MAGI1: variants seen among roughly 807,000 people sequenced by gnomAD.
MAGI1 encodes membrane associated guanylate kinase, WW and PDZ domain containing 1.
MAGI1 carries 58 observed loss-of-function variants against 139.9 expected under a neutral mutation model. That is an observed-to-expected ratio of 0.41 (90% CI 0.34 to 0.52). The LOEUF is 0.52. MAGI1 is among the 20% of genes least tolerant of loss of function. The pLI, the probability that MAGI1 is intolerant of heterozygous loss-of-function variation, is 0.12. For synonymous variants in MAGI1, 812 were observed against 737.9 expected, an observed-to-expected ratio of 1.10 and a Z score of -1.63; for missense variants, 1,874 against 1,901.6, an observed-to-expected ratio of 0.99 and a Z score of 0.27.
intron 2 of MAGI1, among the ~76,000 whole-genome samples, chr3:65,595,783 G>T (rs2082162133): frequency 9.3e-6 from 1 of 107,338 alleles, no homozygotes; most frequent in African/African-American, 3.6e-5. Flanking sequence ...GAAGCAAATG[G>T]GTAAGCTTCC....
chr3:65,364,736 G>A lies in MAGI1; in HGVS notation c.3291-11C>T. On this transcript the variant is annotated splice_polypyrimidine_tract_variant and intron_variant, in intron 19 of 22. Transcript: ENST00000402939. ...GGTTTGGTGGTATTCCTGCCAAAGT[G>A]AAAGAAATAAATATAAGAGCAACCC... The A allele has an allele frequency of 6.2e-7, 1 of 1,613,650 alleles. No individual in the cohort carries two copies. Among genetic ancestry groups the A allele is most frequent in the Non-Finnish European group, 8.5e-7 (1 of 1,179,588 alleles).
At chr3:65,519,930 A>G (rs559275194) in intron 2 of MAGI1, among the ~76,000 whole-genome samples, 24 of 152,308 alleles carry the variant, frequency 1.6e-4, no homozygotes, top group Admixed American at 1.2e-3. Flanking sequence ...TTCCATGGCT[A>G]GGTGAGAAGA....
intron 2 of MAGI1, among the ~76,000 whole-genome samples, chr3:65,568,897 A>G (rs1161034726): frequency 6.6e-6 from 1 of 152,246 alleles, no homozygotes; most frequent in Non-Finnish European, 1.5e-5. Flanking sequence ...TGAGTTCATA[A>G]TAATATCCAC....
intron 1 of MAGI1, among the ~76,000 whole-genome samples, chr3:66,016,883 A>C (rs943199507): frequency 2.6e-5 from 4 of 152,202 alleles, no homozygotes; most frequent in African/African-American, 7.2e-5. Context: ...AATTGAGATA[A>C]GCCAGTCGCA....
chr3:65,453,782 A>G (rs1949195960), intron 5 of MAGI1, among the ~76,000 whole-genome samples: 1 of 152,180 alleles, frequency 6.6e-6, no homozygotes, highest in African/African-American at 2.4e-5. Flanking sequence ...TTACATAAGA[A>G]TTCTCATGAC....
chr3:65,368,675 G>A (rs1286507146), intron 18 of MAGI1, among the ~76,000 whole-genome samples: 2 of 152,284 alleles, frequency 1.3e-5, no homozygotes, highest in South Asian at 2.1e-4. Context: ...TCTAAGGGCG[G>A]CATGGGGAAA....
chr3:65,951,449 T>G (rs55733848), intron 1 of MAGI1, among the ~76,000 whole-genome samples: 1 of 152,220 alleles, frequency 6.6e-6, no homozygotes, highest in African/African-American at 2.4e-5. Context: ...CCAATGAAAC[T>G]GTTGCATCGA....
intron 6 of MAGI1, among the ~76,000 whole-genome samples, chr3:65,448,695 C>T (rs1948825816): frequency 3.5e-5 from 1 of 28,406 alleles, no homozygotes; most frequent in African/African-American, 9.9e-5. Context: ...TGAGAAAACA[C>T]ATACACACAC....
chr3:65,899,850 A>G (rs1055569565), intron 1 of MAGI1, among the ~76,000 whole-genome samples: 8 of 152,236 alleles, frequency 5.3e-5, no homozygotes, highest in African/African-American at 1.9e-4. Context: ...ACCCTTCCTG[A>G]TGCACTAATT....
intron 1 of MAGI1, among the ~76,000 whole-genome samples, chr3:65,789,859 T>C (rs1312824931): frequency 6.6e-6 from 1 of 152,194 alleles, no homozygotes; most frequent in Non-Finnish European, 1.5e-5. Context: ...TCTCAATAAT[T>C]TGGACAAATT....
At chr3:65,928,180 A>T (rs264683) in intron 1 of MAGI1, among the ~76,000 whole-genome samples, 32,826 of 152,086 alleles carry the variant, frequency 0.22, 3,647 homozygotes, top group African/African-American at 0.24. Context: ...TGACTGATAC[A>T]TATTAACACC....
chr3:65,732,832 G>A (rs2034321769), intron 1 of MAGI1, among the ~76,000 whole-genome samples: 3 of 151,372 alleles, frequency 2.0e-5, no homozygotes, highest in South Asian at 2.1e-4. Flanking sequence ...GTATCTTTAA[G>A]GTCTGGCAAA....
intron 1 of MAGI1, among the ~76,000 whole-genome samples, chr3:65,783,372 G>C (rs2039089610): frequency 1.3e-5 from 2 of 152,146 alleles, no homozygotes; most frequent in South Asian, 4.1e-4. Context: ...AATAAGGCAA[G>C]GCACAGGGGC....
intron 1 of MAGI1, among the ~76,000 whole-genome samples, chr3:65,970,485 G>A (rs4688253): frequency 6.6e-6 from 1 of 151,446 alleles, no homozygotes; most frequent in Non-Finnish European, 1.5e-5. Flanking sequence ...GTGGCTAAAA[G>A]GGTAAATTTT....
rs997730798 is a variant in MAGI1, at chr3:65,774,724, T to A, written c.314-152636A>T. Among the ~76,000 whole-genome samples the A allele has an allele frequency of 2.3e-4, 35 of 152,114 alleles. 1 individual carries two copies. The highest frequency in any genetic ancestry group is 4.4e-5 in the Non-Finnish European group (3 of 68,014). On this transcript the variant is annotated intron_variant, in intron 1 of 22. Transcript: ENST00000402939. ...TGAACAAGTACATGGAACATATAGA[T>A]CACAAGTGATTTTTAAGTAAGAGGA...
At chr3:65,775,942 TAAA>T (rs11371013) in intron 1 of MAGI1, among the ~76,000 whole-genome samples, 1 of 143,916 alleles carries the variant, frequency 6.9e-6, no homozygotes, top group Non-Finnish European at 1.5e-5. Flanking sequence ...ACCCTGTCTT[TAAA>T]AAAAAAAAAA....
chr3:65,364,691 C>T lies in MAGI1; in HGVS notation c.3325G>A (p.Glu1109Lys), dbSNP rs1384949662. Reference sequence around the variant, plus strand: ...TGTGTTGCTTGGGGTGCTTTGAACTCAAATTGAGATTCCTGCTTTGGTTTG... The same window carrying T: ...TGTGTTGCTTGGGGTGCTTTGAACTTAAATTGAGATTCCTGCTTTGGTTTG... ...TTKPKQESQFEFKAPQATQEQ... is the reference protein window; with the variant it reads ...TTKPKQESQFKFKAPQATQEQ... The change falls in exon 20 of 23, where the codon GAG becomes AAG. Residue 1109 changes from glutamate to lysine, a missense_variant. By Grantham distance (56) the Glu-to-Lys change is moderately conservative. Around this residue, in one of 5 missense-constraint regions of MAGI1, gnomAD observed 653 missense variants for 644.5 expected, o/e 1.01. Transcript: ENST00000402939. 2 of 1,613,912 alleles carry T rather than the reference C, an allele frequency of 1.2e-6. No homozygotes were observed. The highest frequency in any genetic ancestry group is 1.7e-6 in the Non-Finnish European group (2 of 1,179,998).
chr3:65,446,408 C>G (rs1375242044), intron 7 of MAGI1, among the ~76,000 whole-genome samples: 2 of 152,164 alleles, frequency 1.3e-5, no homozygotes, highest in African/African-American at 4.8e-5. Context: ...CCAGAGAAAG[C>G]CAAGAGAACT....
intron 22 of MAGI1, 75 bp downstream of exon 22, chr3:65,361,124 T>C (rs1039770836): frequency 5.6e-6 from 9 of 1,613,350 alleles, no homozygotes; most frequent in Middle Eastern, 1.7e-4. Context: ...AAAAAGACTT[T>C]CCTGCTGCCG....
Sources: allele counts gnomAD v4.1 joint callset (sites outside exome capture counted in the v4.1 genomes callset), GRCh38; gene constraint gnomAD v4.1.1; regional missense constraint gnomAD v4.1.1; transcripts MANE v1.5; gene names NCBI Gene and HGNC (gene_info 2026-07-23, HGNC 2026-07-21).